FBN3: variants seen among roughly 807,000 people sequenced by gnomAD.
FBN3 encodes fibrillin-3.
In FBN3, 234 loss-of-function variants were observed where a neutral mutation model predicts 330.1. That is an observed-to-expected ratio of 0.71 (90% CI 0.64 to 0.79). FBN3 has a LOEUF of 0.79. Among genes scored for constraint, FBN3 ranks in the 30% least tolerant of loss-of-function variants. The pLI is 0.00. For synonymous variants in FBN3, 1,458 were observed against 1,517.3 expected, an observed-to-expected ratio of 0.96 and a Z score of 0.91; for missense variants, 3,606 against 3,886.9, an observed-to-expected ratio of 0.93 and a Z score of 1.92.
intron 51 of FBN3, among the ~76,000 whole-genome samples, chr19:8,088,998 G>A (rs1349103648): frequency 1.3e-5 from 2 of 152,208 alleles, no homozygotes; most frequent in Non-Finnish European, 2.9e-5. Context: ...GAGTGAATGA[G>A]TGAGAGAATT....
chr19:8,076,970 C>T (rs1268333876), intron 59 of FBN3, among the ~76,000 whole-genome samples: 1 of 152,136 alleles, frequency 6.6e-6, no homozygotes, highest in Admixed American at 6.5e-5. Flanking sequence ...CACTATGTTG[C>T]CCAGGCTGGT....
At position 8,096,706 on chromosome 19, in the gene FBN3, G is replaced by A. The variant is rs2082216871; in HGVS notation, c.5414-137C>T. 7.4e-7 allele frequency: 1 copy of A among 1,352,496 alleles called. No homozygotes were observed. Among genetic ancestry groups the A allele is most frequent in the Non-Finnish European group, 1.0e-6 (1 of 989,924 alleles). The allele number at this position is 1,352,496 out of a possible 1,614,324, so 83.8% of individuals were successfully genotyped here. A position where few individuals can be genotyped will look rare whatever the true frequency, so the allele number is the denominator to read the frequency against. ...TTCCACCAGGGGCGTCAGGCTGTCT[G>A]CATGGACCTGAGCTCTCACCTCTAT... On this transcript the variant is annotated intron_variant, in intron 43 of 63. Transcript: ENST00000600128. This position sits in a 1 kb window ranked among gnomAD's most constrained non-coding sequence, Gnocchi z 4.6.
At position 8,129,111 on chromosome 19, in the gene FBN3, C is replaced by T; in HGVS notation, c.2213G>A (p.Gly738Glu). 2.5e-6 allele frequency: 4 copies of T among 1,613,080 alleles called. No individual in the cohort carries two copies. The highest frequency in any genetic ancestry group is 3.4e-6 in the Non-Finnish European group (4 of 1,179,996). ...GCTGCCAGGGCTATTCTGGCACCAC[C>T]CGTTGTCACACAGGAGGCTGTTGAG... ...CALNSLLCDN[G>E]WCQNSPGSYS... Residue 738 changes from glycine (G) to glutamate (E), a missense_variant, in exon 18 of 64, where the codon GGG becomes GAG. Transcript: ENST00000600128. This position sits in a 1 kb window ranked among gnomAD's most constrained non-coding sequence, Gnocchi z 4.5.
rs2082721695 is a variant in FBN3 at position 8,117,057 on chromosome 19, G to T, written c.3586+112C>A. 7 of 1,479,730 alleles carry T rather than the reference G, an allele frequency of 4.7e-6. No homozygotes were observed. The East Asian group carries it at 1.5e-4, about 31-fold the overall frequency. The allele number at this position is 1,479,730 out of a possible 1,614,324, so 91.7% of individuals were successfully genotyped here. On this transcript the variant is annotated intron_variant, in intron 28 of 63. Transcript: ENST00000600128. ...CACAGGCCAGGCAGGGGGTGCCTCG[G>T]GTCTGGCTGGCTTCACTATGCTGTG...
At chr19:8,118,054 TACACAC>T (rs35347475) in intron 26 of FBN3, among the ~76,000 whole-genome samples, 1 of 150,520 alleles carries the variant, frequency 6.6e-6, no homozygotes, top group East Asian at 2.0e-4. Context: ...CACTCACACA[TACACAC>T]ACACCCATGT....
intron 41 of FBN3, among the ~76,000 whole-genome samples, 153 bp from the exon 42 acceptor site, chr19:8,097,567 A>G (rs2082239011): frequency 6.6e-6 from 1 of 152,184 alleles, no homozygotes; most frequent in African/African-American, 2.4e-5. Flanking sequence ...ACCAAAATAC[A>G]TCCGCTCACA....
chr19:8,135,132 C>T (rs1465891644), intron 13 of FBN3, among the ~76,000 whole-genome samples: 3 of 151,502 alleles, frequency 2.0e-5, no homozygotes, highest in African/African-American at 7.3e-5. Context: ...GCACCTGCCA[C>T]CATGCCAGGC....
rs1255748541 is a variant in FBN3, at chr19:8,091,498, A to G, written c.5998T>C (p.Phe2000Leu). ...GSFQCLCPPG[F>L]VLSDNGHRCF... ...CGGTGCCCATTGTCAGAGAGGACAAAGCCAGGTGGGCAGAGGCACTGGAAG... is the reference window on the plus strand; with the variant it reads ...CGGTGCCCATTGTCAGAGAGGACAAGGCCAGGTGGGCAGAGGCACTGGAAG... The change falls in exon 48 of 64, where the codon TTT becomes CTT. Residue 2000 changes from phenylalanine (F) to leucine (L), a missense_variant. Physicochemically the swap from Phe to Leu is conservative, Grantham distance 22. Transcript: ENST00000600128. The G allele has an allele frequency of 4.3e-6, 7 of 1,614,102 alleles. No individual in the cohort carries two copies. Among genetic ancestry groups the G allele is most frequent in the Non-Finnish European group, 5.9e-6 (7 of 1,180,048 alleles).
Position 8,085,495 on chromosome 19 carries a change from C to T in FBN3, c.6955G>A (p.Val2319Ile). The T allele has an allele frequency of 6.3e-7, 1 of 1,593,588 alleles. No individual in the cohort carries two copies. The highest frequency in any genetic ancestry group is 8.5e-7 in the Non-Finnish European group (1 of 1,170,788). Reference sequence around the variant, plus strand: ...CCACAGCAGCACTCGGCCCTGGTGACAGCCTCACTGCTGCTGGACAGAGAC... The same window carrying T: ...CCACAGCAGCACTCGGCCCTGGTGATAGCCTCACTGCTGCTGGACAGAGAC... ...CRSLSSSSEAVTRAECCCGGG... is the reference protein window; with the variant it reads ...CRSLSSSSEAITRAECCCGGG... Residue 2319 changes from valine to isoleucine, a missense_variant, in exon 56 of 64, where the codon GTC becomes ATC. Coordinates refer to ENST00000600128, the MANE Select transcript of FBN3 (RefSeq NM_032447.5).
chr19:8,146,150 G>A lies in FBN3; in HGVS notation c.326C>T (p.Ala109Val). 1 of 1,600,058 alleles carries A rather than the reference G, an allele frequency of 6.2e-7. No individual in the cohort carries two copies. Among genetic ancestry groups the A allele is most frequent in the African/African-American group, 1.3e-5 (1 of 74,994 alleles). ...ACCTCGGCTCACCCCGCAGCTGGGAGCCAGCGTCCCATCCGCACAGGTGCA... is the reference window on the plus strand; with the variant it reads ...ACCTCGGCTCACCCCGCAGCTGGGAACCAGCGTCCCATCCGCACAGGTGCA... ...NLCTCADGTL[A>V]PSCGVSRGSG... The change falls in exon 4 of 64, where the codon GCT becomes GTT. Residue 109 changes from alanine to valine, a missense_variant. Transcript: ENST00000600128.
rs755337113 is a variant in FBN3, at chr19:8,129,113, G to A, written c.2211C>T (p.Asn737=). 3.0e-5 allele frequency: 49 copies of A among 1,612,854 alleles called. No individual in the cohort carries two copies. Among genetic ancestry groups the A allele is most frequent in the Middle Eastern group, 1.8e-4 (1 of 5,568 alleles). ...TGCCAGGGCTATTCTGGCACCACCC[G>A]TTGTCACACAGGAGGCTGTTGAGGG... is the stretch of plus-strand genomic sequence containing the variant. The part of the protein sequence containing the change: ...ECALNSLLCD[N]GWCQNSPGSY... The change falls in exon 18 of 64, where the codon AAC becomes AAT. Residue 737 remains asparagine, a synonymous_variant. Transcript: ENST00000600128. The surrounding 1 kb of genome is among the most constrained non-coding windows in gnomAD (Gnocchi z 4.5).
chr19:8,117,314 G>T (rs1309445397), intron 27 of FBN3, 23 bp from the exon 28 acceptor site: 2 of 1,590,548 alleles, frequency 1.3e-6, no homozygotes, highest in East Asian at 2.3e-5. Context: ...GGGCAGACAG[G>T]GGCTGGGGCT....
Position 8,072,969 on chromosome 19 carries a change from G to A in FBN3, c.7937+94C>T, listed in dbSNP as rs2081552337. 10 of 295,042 alleles carry A rather than the reference G, an allele frequency of 3.4e-5. No individual in the cohort carries two copies. In the East Asian group the frequency reaches 8.2e-4, roughly 24 times the overall value. 18.3% of individuals were successfully genotyped at this position (295,042 alleles called of 1,614,324 possible). A position where few individuals can be genotyped will look rare whatever the true frequency, so the allele number is the denominator to read the frequency against. On this transcript the variant is annotated intron_variant, in intron 62 of 63. Transcript: ENST00000600128. ...ATTCTTGGCATGCACAAAGCCCCGT[G>A]TGTGTGTGTGTGTGTGTGTGTGTGT...
chr19:8,118,794 C>T (rs2082770537), intron 26 of FBN3, 103 bp downstream of exon 26: 4 of 1,419,808 alleles, frequency 2.8e-6, no homozygotes, highest in East Asian at 2.3e-5. Context: ...GACAGATACA[C>T]ATGCCCACCC....
At chr19:8,070,481 A>C (rs1412641784) in intron 63 of FBN3, among the ~76,000 whole-genome samples, 2 of 152,186 alleles carry the variant, frequency 1.3e-5, no homozygotes, top group Non-Finnish European at 2.9e-5. Flanking sequence ...AAATGTCTGC[A>C]GTGGGGGTGA....
intron 14 of FBN3, 58 bp downstream of exon 14, chr19:8,132,926 C>A: frequency 6.7e-7 from 1 of 1,488,650 alleles, no homozygotes; most frequent in Non-Finnish European, 9.0e-7. Flanking sequence ...TCCTCGCCGT[C>A]CCTCTGCTTC....
intron 8 of FBN3, among the ~76,000 whole-genome samples, chr19:8,139,885 C>T (rs2083373304): frequency 6.6e-6 from 1 of 151,992 alleles, no homozygotes; most frequent in Non-Finnish European, 1.5e-5. Context: ...CCACCCCTGA[C>T]CTGCCCCGAG....
intron 32 of FBN3, 56 bp from the exon 33 acceptor site, chr19:8,111,239 G>A: frequency 6.5e-7 from 1 of 1,531,310 alleles, no homozygotes; most frequent in Non-Finnish European, 8.8e-7. Context: ...ACCCACACAG[G>A]GTGGGCAGGA....
rs1388379964 is a variant in FBN3, at chr19:8,147,572, G to C, written c.-17-75C>G. On this transcript the variant is annotated intron_variant, in intron 1 of 63. Coordinates refer to ENST00000600128, the MANE Select transcript of FBN3 (RefSeq NM_032447.5). ...ATGGGGGACCCAACACAACGAGGAG[G>C]GCAGGGTGGTTGCCAAATGGGGCAG... 16 of 1,312,752 alleles carry C rather than the reference G, an allele frequency of 1.2e-5. No individual in the cohort carries two copies. In the East Asian group the frequency reaches 4.3e-4, roughly 36 times the overall value. The allele number at this position is 1,312,752 out of a possible 1,614,324, so 81.3% of individuals were successfully genotyped here.
Sources: gnomAD v4.1 joint callset for allele counts (sites outside exome capture counted in the v4.1 genomes callset) on GRCh38, gnomAD v4.1.1 for gene constraint, Gnocchi (gnomAD v3.1) non-coding constraint, MANE v1.5 for transcripts, NCBI Gene and HGNC (gene_info 2026-07-23, HGNC 2026-07-21) for gene names.